The following CAST variants were observed in gnomAD, a reference collection of about 807,000 sequenced individuals.
CAST encodes the protein MIR583 host.
CAST carries 76 observed loss-of-function variants against 119.6 expected under a neutral mutation model. That is an observed-to-expected ratio of 0.64 (90% CI 0.53 to 0.77). CAST has a LOEUF of 0.77. Among genes scored for constraint, CAST ranks in the 30% least tolerant of loss-of-function variants. The pLI is 0.00. For synonymous variants in CAST, 319 were observed against 331.6 expected, an observed-to-expected ratio of 0.96 and a Z score of 0.41; for missense variants, 953 against 946.5, an observed-to-expected ratio of 1.01 and a Z score of -0.09.
At position 96,589,469 on chromosome 5, in the gene CAST, T is replaced by C. The variant is rs117568719; in HGVS notation, c.60+59589T>C. On this transcript the variant is annotated intron_variant, in intron 1 of 11. Coordinates refer to the CAST transcript ENST00000505143. ...AAAATGTTTTGAATCTTGGGAACTC[T>C]TTCCCTCTTTTAAAGACATTATAAT... 2.0e-3 allele frequency among the ~76,000 whole-genome samples: 305 copies of C among 152,352 alleles called. 11 individuals carry two copies. In the East Asian group the frequency reaches 0.054, roughly 27 times the overall value.
intron 1 of CAST, among the ~76,000 whole-genome samples, chr5:96,592,512 CTTTTT>C (rs1239931654): frequency 1.3e-5 from 2 of 152,078 alleles, no homozygotes; most frequent in Non-Finnish European, 2.9e-5. Context: ...TTCTTTCTCA[CTTTTT>C]TATTTTAAAG....
chr5:96,444,060 C>T, the CAST span, among the ~76,000 whole-genome samples: 1 of 152,126 alleles, frequency 6.6e-6, no homozygotes, highest in Non-Finnish European at 1.5e-5. Context: ...TAAGTTTGGT[C>T]AACAATTTCT....
intron 1 of CAST, among the ~76,000 whole-genome samples, chr5:96,675,290 C>T (rs1044767565): frequency 2.6e-5 from 4 of 152,098 alleles, no homozygotes; most frequent in South Asian, 2.1e-4. Context: ...GACAAGATGC[C>T]GCCTTGGCAT....
the CAST span, among the ~76,000 whole-genome samples, chr5:96,088,159 C>T: frequency 3.3e-5 from 5 of 152,184 alleles, no homozygotes; most frequent in Admixed American, 6.5e-5. Context: ...GTTAGTAATG[C>T]GTACTTACTT....
the CAST span, among the ~76,000 whole-genome samples, chr5:96,281,508 A>C: frequency 6.6e-6 from 1 of 152,160 alleles, no homozygotes; most frequent in African/African-American, 2.4e-5. Flanking sequence ...AAGATAGTTT[A>C]TTTCTCTCTC....
intron 3 of CAST, chr5:96,703,013 T>C (rs565249473): frequency 4.5e-6 from 4 of 889,024 alleles, no homozygotes; most frequent in Non-Finnish European, 5.4e-6. Flanking sequence ...CGGGGCCTGG[T>C]CCCTGCAGCG....
the CAST span, among the ~76,000 whole-genome samples, chr5:96,507,120 A>G: frequency 4.0e-4 from 61 of 151,846 alleles, no homozygotes; most frequent in African/African-American, 1.3e-3. Flanking sequence ...ATGACAAAAC[A>G]CTCCTGTATT....
At chr5:96,659,682 C>G (rs544691967), upstream of CAST, among the ~76,000 whole-genome samples, 97 of 152,186 alleles carry the variant, frequency 6.4e-4, no homozygotes, top group Middle Eastern at 0.017. Flanking sequence ...GTGCGCGCCA[C>G]CATGCCCAGC....
In CAST at chr5:96,644,416, C is replaced by A. The variant is rs868639451; in HGVS notation, c.61-31123C>A. Reference sequence around the variant, plus strand: ...GCAACTGCTAGAAAATTATCTTTAACCTTTAAAAATTATTATTACAAATAA... The same window carrying A: ...GCAACTGCTAGAAAATTATCTTTAAACTTTAAAAATTATTATTACAAATAA... On this transcript the variant is annotated intron_variant, in intron 1 of 11. Transcript: ENST00000505143. Among the ~76,000 whole-genome samples the A allele has an allele frequency of 3.9e-5, 6 of 152,256 alleles. 1 individual carries two copies. Among genetic ancestry groups the A allele is most frequent in the South Asian group, 2.1e-4 (1 of 4,824 alleles).
chr5:96,732,807 C>T (rs560958518), intron 9 of CAST, among the ~76,000 whole-genome samples: 5 of 152,134 alleles, frequency 3.3e-5, no homozygotes, highest in Admixed American at 6.5e-5. Context: ...AAGACTTAAA[C>T]GTTAGACCTA....
chr5:96,526,117 AC>A (rs1745594475), upstream of CAST, among the ~76,000 whole-genome samples: 1 of 152,216 alleles, frequency 6.6e-6, no homozygotes, highest in African/African-American at 2.4e-5. Flanking sequence ...TTTTTCTTCT[AC>A]CCTTCTAGGT....
At chr5:96,083,895 G>A in the CAST span, among the ~76,000 whole-genome samples, 1 of 152,166 alleles carries the variant, frequency 6.6e-6, no homozygotes, top group Non-Finnish European at 1.5e-5. Context: ...CAGACTACTT[G>A]CATTACTACT....
At chr5:96,372,779 C>A in the CAST span, among the ~76,000 whole-genome samples, 7 of 152,158 alleles carry the variant, frequency 4.6e-5, no homozygotes, top group Non-Finnish European at 8.8e-5. Context: ...TCTTCTGTGA[C>A]CCTCTTTCCT....
the CAST span, among the ~76,000 whole-genome samples, chr5:96,162,069 A>G: frequency 6.6e-6 from 1 of 152,156 alleles, no homozygotes; most frequent in Non-Finnish European, 1.5e-5. Flanking sequence ...CAGAGAACTT[A>G]CACTTCTTCT....
chr5:96,771,566 C>T (rs1311090500), intron 30 of CAST, 78 bp from the exon 31 acceptor site: 2 of 1,058,842 alleles, frequency 1.9e-6, no homozygotes, highest in East Asian at 2.5e-5. Context: ...ATCTTTTGTC[C>T]CCTAATTCTG....
At chr5:96,405,474 G>C in the CAST span, among the ~76,000 whole-genome samples, 3 of 152,156 alleles carry the variant, frequency 2.0e-5, no homozygotes, top group Admixed American at 2.0e-4. Context: ...AATGAGGCTA[G>C]ATCATTCCTA....
At chr5:96,060,422 A>G in the CAST span, among the ~76,000 whole-genome samples, 1 of 152,282 alleles carries the variant, frequency 6.6e-6, no homozygotes, top group South Asian at 2.1e-4. Context: ...TTGTCACAAT[A>G]GTAGAGTTTC....
At chr5:96,188,857 C>G in the CAST span, among the ~76,000 whole-genome samples, 2 of 152,116 alleles carry the variant, frequency 1.3e-5, no homozygotes, top group African/African-American at 4.8e-5. Context: ...TGTTTATCAT[C>G]AAAGTCAAAT....
chr5:96,352,913 C>T, the CAST span, among the ~76,000 whole-genome samples: 1 of 152,108 alleles, frequency 6.6e-6, no homozygotes, highest in African/African-American at 2.4e-5. Flanking sequence ...TTCCCCTTCG[C>T]CTTCTGCCAT....
Sources: gnomAD v4.1 joint callset for allele counts (sites outside exome capture counted in the v4.1 genomes callset) on GRCh38, gnomAD v4.1.1 for gene constraint, MANE v1.5 for transcripts, NCBI Gene and HGNC (gene_info 2026-07-23, HGNC 2026-07-21) for gene names.